The following HNF4G variants were observed in gnomAD, a reference collection of about 807,000 sequenced individuals.
The protein encoded by HNF4G is hepatocyte nuclear factor 4 gamma.
HNF4G carries 21 observed loss-of-function variants against 50.9 expected under a neutral mutation model. That is an observed-to-expected ratio of 0.41 (90% CI 0.29 to 0.59). HNF4G has a LOEUF of 0.59. Ranked by LOEUF, HNF4G falls within the 20% of genes least tolerant of loss-of-function variation. The pLI is 0.26. For missense variants in HNF4G, 527 were observed against 559.4 expected, an observed-to-expected ratio of 0.94 and a Z score of 0.58; for synonymous variants, 198 against 185.6, an observed-to-expected ratio of 1.07 and a Z score of -0.54.
At chr8:75,536,243 T>G (rs2130775432), upstream of HNF4G, among the ~76,000 whole-genome samples, 1 of 152,120 alleles carries the variant, frequency 6.6e-6, no homozygotes, top group Non-Finnish European at 1.5e-5. Flanking sequence ...ATTAAATTTA[T>G]ATATCTTTAG....
chr8:75,533,244 G>A (rs988970847), intron 2 of HNF4G, among the ~76,000 whole-genome samples: 3 of 151,978 alleles, frequency 2.0e-5, no homozygotes, highest in Non-Finnish European at 2.9e-5. Flanking sequence ...AAAATAGAAG[G>A]TCTTTGCCTT....
intron 1 of HNF4G, among the ~76,000 whole-genome samples, chr8:75,543,113 AT>A (rs1806676702): frequency 6.6e-6 from 1 of 152,138 alleles, no homozygotes; most frequent in South Asian, 2.1e-4. Flanking sequence ...AGGCTGAGGC[AT>A]GGGAATCACT....
intron 8 of HNF4G, among the ~76,000 whole-genome samples, chr8:75,559,960 T>G (rs1296178299): frequency 1.3e-5 from 2 of 152,172 alleles, no homozygotes; most frequent in African/African-American, 2.4e-5. Flanking sequence ...AGTTTTCTGG[T>G]GCATAATTTG....
At chr8:75,422,754 C>T (rs139001515) in intron 1 of HNF4G, among the ~76,000 whole-genome samples, 86 of 152,180 alleles carry the variant, frequency 5.7e-4, no homozygotes, top group African/African-American at 2.0e-3. Context: ...CTGACTCAGC[C>T]TCCTGAGTAG....
intron 9 of HNF4G, among the ~76,000 whole-genome samples, chr8:75,562,892 C>T (rs1288713926): frequency 6.6e-6 from 1 of 152,114 alleles, no homozygotes; most frequent in African/African-American, 2.4e-5. Flanking sequence ...CTACTGCAGT[C>T]TTAGATCTGG....
At chr8:75,516,884 AT>A (rs1805901766) in intron 2 of HNF4G, among the ~76,000 whole-genome samples, 1 of 152,058 alleles carries the variant, frequency 6.6e-6, no homozygotes, top group Non-Finnish European at 1.5e-5. Context: ...CTCCAACTTC[AT>A]TTTACTTAAT....
At chr8:75,424,393 A>C (rs1425831057) in intron 1 of HNF4G, among the ~76,000 whole-genome samples, 5 of 151,974 alleles carry the variant, frequency 3.3e-5, no homozygotes, top group African/African-American at 1.2e-4. Flanking sequence ...TTAAATTTCC[A>C]TTTTTATTTT....
chr8:75,468,940 A>T (rs1020259327), intron 1 of HNF4G, among the ~76,000 whole-genome samples: 7 of 152,112 alleles, frequency 4.6e-5, no homozygotes, highest in African/African-American at 1.4e-4. Context: ...AGAAAAAAAA[A>T]AAGCTGCATT....
intron 2 of HNF4G, among the ~76,000 whole-genome samples, chr8:75,494,500 G>A (rs1400903531): frequency 2.0e-5 from 3 of 152,088 alleles, no homozygotes; most frequent in Non-Finnish European, 1.5e-5. Flanking sequence ...TGACCATTGA[G>A]AATTCTGCTC....
chr8:75,432,025 A>G (rs1247871325), intron 1 of HNF4G, among the ~76,000 whole-genome samples: 3 of 151,998 alleles, frequency 2.0e-5, no homozygotes, highest in African/African-American at 7.2e-5. Flanking sequence ...AAGTAGGAGT[A>G]TAGCTGGAAC....
chr8:75,500,692 G>T (rs554857933), intron 2 of HNF4G, among the ~76,000 whole-genome samples: 2 of 152,198 alleles, frequency 1.3e-5, no homozygotes, highest in African/African-American at 4.8e-5. Flanking sequence ...ATAAAAAAAT[G>T]AAGTGTTGAT....
At chr8:75,440,792 A>G (rs748156291) in intron 1 of HNF4G, among the ~76,000 whole-genome samples, 1 of 152,186 alleles carries the variant, frequency 6.6e-6, no homozygotes, top group Non-Finnish European at 1.5e-5. Flanking sequence ...CTATACATGT[A>G]TGTATAAAAG....
At position 75,411,109 on chromosome 8, in the gene HNF4G, A is replaced by G. The variant is rs578094408; in HGVS notation, c.-144+2947A>G. Among the ~76,000 whole-genome samples the G allele has an allele frequency of 1.5e-3, 231 of 152,350 alleles. 1 individual carries two copies. Among genetic ancestry groups the G allele is most frequent in the Middle Eastern group, 6.8e-3 (2 of 294 alleles). ...AGAGAGAAATGAAATAACTTGACTA[A>G]GGTTACACGTTTACATGGGATAGAG... On this transcript the variant is annotated intron_variant, in intron 1 of 10. Coordinates refer to the HNF4G transcript ENST00000354370.
At chr8:75,427,343 T>G (rs1385502017) in intron 1 of HNF4G, among the ~76,000 whole-genome samples, 2 of 152,124 alleles carry the variant, frequency 1.3e-5, no homozygotes, top group Non-Finnish European at 2.9e-5. Flanking sequence ...TTTGGAAGGC[T>G]GAGGCGGGTG....
At chr8:75,544,331 GTTTC>G (rs1461030796) in intron 2 of HNF4G, among the ~76,000 whole-genome samples, 1 of 151,966 alleles carries the variant, frequency 6.6e-6, no homozygotes, top group East Asian at 1.9e-4. Flanking sequence ...TTTTCCTTGT[GTTTC>G]TTTATTATTT....
chr8:75,551,518 A>C (rs768146477), intron 4 of HNF4G, 24 bp downstream of exon 4: 2 of 1,327,974 alleles, frequency 1.5e-6, no homozygotes, highest in Non-Finnish European at 2.2e-6. Context: ...GGCAGCATCA[A>C]ACCCTATTTA....
chr8:75,454,709 C>T (rs903838375), intron 1 of HNF4G, among the ~76,000 whole-genome samples: 1 of 152,146 alleles, frequency 6.6e-6, no homozygotes, highest in Admixed American at 6.5e-5. Flanking sequence ...CAAAATAACC[C>T]TAATCACTCT....
chr8:75,436,840 T>TC (rs1811153353), intron 1 of HNF4G, among the ~76,000 whole-genome samples: 1 of 150,866 alleles, frequency 6.6e-6, no homozygotes, highest in Non-Finnish European at 1.5e-5. Flanking sequence ...GGCCAGGAGT[T>TC]GCAACCAGCC....
At chr8:75,530,862 G>A (rs193063295) in intron 2 of HNF4G, among the ~76,000 whole-genome samples, 2 of 146,138 alleles carry the variant, frequency 1.4e-5, no homozygotes, top group East Asian at 2.0e-4. Flanking sequence ...GTGCGATCTC[G>A]GTTCACTGCA....
Sources: gnomAD v4.1 joint callset for allele counts (sites outside exome capture counted in the v4.1 genomes callset) on GRCh38, gnomAD v4.1.1 for gene constraint, MANE v1.5 for transcripts, NCBI Gene and HGNC (gene_info 2026-07-23, HGNC 2026-07-21) for gene names.